The following DNAH8 variants were observed in gnomAD, a reference collection of about 807,000 sequenced individuals.
DNAH8 encodes dynein axonemal heavy chain 8.
A neutral mutation model predicts 562.1 loss-of-function variants in DNAH8; 382 were observed. That is an observed-to-expected ratio of 0.68 (90% confidence interval 0.63 to 0.74). The LOEUF (loss-of-function observed/expected upper bound fraction) is 0.74, where lower values mean the gene tolerates loss of function less well. Among genes scored for constraint, DNAH8 ranks in the 30% least tolerant of loss-of-function variants. The pLI is 0.00. For synonymous variants in DNAH8, 1,881 were observed against 1,919.4 expected, an observed-to-expected ratio of 0.98 and a Z score of 0.52; for missense variants, 5,203 against 5,620.4, an observed-to-expected ratio of 0.93 and a Z score of 2.37.
intron 63 of DNAH8, among the ~76,000 whole-genome samples, chr6:38,906,609 A>G (rs1780497902): frequency 6.6e-6 from 1 of 152,192 alleles, no homozygotes; most frequent in South Asian, 2.1e-4. Flanking sequence ...TTAATTTTGA[A>G]CATGGTTCCT....
intron 22 of DNAH8, 77 bp downstream of exon 22, chr6:38,803,388 G>T (rs969605811): frequency 1.0e-5 from 12 of 1,144,166 alleles, no homozygotes; most frequent in African/African-American, 1.6e-5. Flanking sequence ...TGCTTAGCAG[G>T]TACTGAATTC....
chr6:38,816,911 C>A (rs1247035244), intron 26 of DNAH8, among the ~76,000 whole-genome samples: 1 of 152,128 alleles, frequency 6.6e-6, no homozygotes, highest in East Asian at 1.9e-4. Flanking sequence ...TATTCATGTC[C>A]TTTGTCCATT....
In DNAH8 at chr6:38,890,654, A is replaced by G. The variant is rs1315567970; in HGVS notation, c.8476A>G (p.Ile2826Val). The change falls in exon 58 of 93, where the codon ATT becomes GTT. Residue 2826 changes from isoleucine to valine, a missense_variant and splice_region_variant. By Grantham distance (29) the Ile-to-Val change is conservative. Around this residue, in one of 6 missense-constraint regions of DNAH8, gnomAD observed 977 missense variants for 1,061.8 expected, o/e 0.92. Transcript: ENST00000327475. ...SNASIDKIFG[I>V]IGCGYFDPCR... ...CTTCAATCTTGCTTATCTTTCAGGA[A>G]TTATTGGATGTGGATACTTTGATCC... 1 of 1,603,842 alleles carries G rather than the reference A, an allele frequency of 6.2e-7. No homozygotes were observed. Among genetic ancestry groups the G allele is most frequent in the Admixed American group, 1.7e-5 (1 of 59,968 alleles).
intron 82 of DNAH8, among the ~76,000 whole-genome samples, chr6:38,960,115 C>G (rs965816215): frequency 2.6e-5 from 4 of 151,938 alleles, no homozygotes; most frequent in African/African-American, 9.7e-5. Flanking sequence ...AAAATCAAAT[C>G]AAAGTGGATT....
At chr6:38,901,385 G>T (rs1488158919) in intron 62 of DNAH8, among the ~76,000 whole-genome samples, 2 of 151,992 alleles carry the variant, frequency 1.3e-5, no homozygotes, top group African/African-American at 4.8e-5. Context: ...TAGGAGTTGT[G>T]ATTATTATTT....
rs745931225 is a variant in DNAH8, at chr6:38,842,696, G to A, written c.4638G>A (p.Trp1546Ter). ...CRKLPKGLKD[W>*]QAFLDLKKRI... ...AACTTCCAAAAGGACTTAAAGATTGGCAAGCTTTTTTGGATCTCAAAAAGA... is the reference window on the plus strand; with the variant it reads ...AACTTCCAAAAGGACTTAAAGATTGACAAGCTTTTTTGGATCTCAAAAAGA... The change falls in exon 35 of 93, where the codon TGG becomes TGA. Residue 1546 changes from tryptophan to a stop codon, truncating the protein, a stop_gained. Coordinates refer to ENST00000327475, the MANE Select transcript of DNAH8 (RefSeq NM_001206927.2). LOFTEE classifies it high-confidence loss of function. 6.2e-7 allele frequency: 1 copy of A among 1,613,274 alleles called. No homozygotes were observed. Among genetic ancestry groups the A allele is most frequent in the Admixed American group, 1.7e-5 (1 of 59,954 alleles).
intron 82 of DNAH8, among the ~76,000 whole-genome samples, chr6:38,966,724 A>G (rs376328335): frequency 2.0e-5 from 3 of 152,216 alleles, no homozygotes; most frequent in Admixed American, 1.3e-4. Context: ...ATAATAGACA[A>G]CAACCACATG....
intron 71 of DNAH8, among the ~76,000 whole-genome samples, chr6:38,921,918 C>T (rs1481665249): frequency 6.6e-6 from 1 of 151,810 alleles, no homozygotes; most frequent in Non-Finnish European, 1.5e-5. Flanking sequence ...AGGAAAATTA[C>T]AGTCAAAGGG....
intron 31 of DNAH8, among the ~76,000 whole-genome samples, chr6:38,832,852 C>G (rs1773955947): frequency 6.6e-6 from 1 of 151,494 alleles, no homozygotes; most frequent in African/African-American, 2.4e-5. Context: ...ACAGATTTTA[C>G]TGTTAAAAGG....
intron 45 of DNAH8, among the ~76,000 whole-genome samples, chr6:38,865,577 G>T (rs1252851860): frequency 6.6e-6 from 1 of 152,194 alleles, no homozygotes; most frequent in Non-Finnish European, 1.5e-5. Flanking sequence ...GAACCAAGAT[G>T]CTACAGAAAG....
intron 3 of DNAH8, among the ~76,000 whole-genome samples, chr6:38,725,527 T>G (rs7743381): frequency 6.6e-6 from 1 of 151,852 alleles, no homozygotes; most frequent in Admixed American, 6.6e-5. Flanking sequence ...ATGCAAAGAC[T>G]TCAATAGCTC....
At chr6:39,013,570 G>T (rs1022233046) in intron 91 of DNAH8, among the ~76,000 whole-genome samples, 3 of 152,146 alleles carry the variant, frequency 2.0e-5, no homozygotes, top group African/African-American at 7.2e-5. Flanking sequence ...AGGCACAAAG[G>T]GCCAGGAGCG....
Position 38,938,891 on chromosome 6 carries a change from C to T in DNAH8, c.11910C>T (p.Tyr3970=), listed in dbSNP as rs372031053. Residue 3970 remains tyrosine, a synonymous_variant, in exon 79 of 93, where the codon TAC becomes TAT. Transcript: ENST00000327475. ...TTACATACTCTGTCAGAGGCCTATA[C>T]GAAAACCACAAATTCCTGTTTGTAC... The part of the protein sequence containing the change: ...EVFTYSVRGL[Y]ENHKFLFVLL... The T allele has an allele frequency of 2.9e-5, 47 of 1,613,494 alleles. No individual in the cohort carries two copies. The highest frequency in any genetic ancestry group is 8.0e-5 in the African/African-American group (6 of 74,880).
Position 38,722,894 on chromosome 6 carries a change from G to C in DNAH8, c.85G>C (p.Glu29Gln), listed in dbSNP as rs910443081. 1.9e-6 allele frequency: 3 copies of C among 1,612,126 alleles called. No homozygotes were observed. The highest frequency in any genetic ancestry group is 2.7e-5 in the African/African-American group (2 of 75,046). Residue 29 changes from glutamate to glutamine, a missense_variant, in exon 2 of 93, where the codon GAA (glutamate) becomes CAA (glutamine). Glu to Gln is a conservative substitution (Grantham distance 29, BLOSUM62 2). Around this residue, in one of 6 missense-constraint regions of DNAH8, gnomAD observed 556 missense variants for 496.9 expected, o/e 1.12. Coordinates refer to ENST00000327475, the MANE Select transcript of DNAH8 (RefSeq NM_001206927.2). ...STEEAAPPRS[E>Q]EEEAPRPPTV... ...GGAAGAGGCTGCCCCTCCCCGTTCA[G>C]AAGAGGAAGAGGCCCCGCGCCCTCC...
chr6:38,952,622 G>A lies in DNAH8; in HGVS notation c.12451+1102G>A, dbSNP rs117905422. 1.3e-3 allele frequency among the ~76,000 whole-genome samples: 192 copies of A among 152,204 alleles called. 5 individuals are homozygous for A. The East Asian group carries it at 0.031, about 24-fold the overall frequency. On this transcript the variant is annotated intron_variant, in intron 82 of 92. Coordinates refer to ENST00000327475, the MANE Select transcript of DNAH8 (RefSeq NM_001206927.2). ...ATAAAATCAATTCAGTCATGTCCACGTACTAGCCACATGTCCCTCTGCATA... is the reference window on the plus strand; with the variant it reads ...ATAAAATCAATTCAGTCATGTCCACATACTAGCCACATGTCCCTCTGCATA...
rs114705030 is a variant in DNAH8 at position 38,742,033 on chromosome 6, A to C, written c.1293+146A>C. ...TAAGGCTTTTACATATATCACAGTT[A>C]TTTCCAGAAGAGGAAATGAAGATTT... On this transcript the variant is annotated intron_variant, in intron 8 of 92. Coordinates refer to ENST00000327475, the MANE Select transcript of DNAH8 (RefSeq NM_001206927.2). The C allele has an allele frequency of 3.6e-3, 2,120 of 592,598 alleles. 19 individuals carry two copies. Among genetic ancestry groups the C allele is most frequent in the African/African-American group, 0.022 (1,133 of 52,262 alleles). The allele number at this position is 592,598 out of a possible 1,614,324, so 36.7% of individuals were successfully genotyped here. A position where few individuals can be genotyped will look rare whatever the true frequency, so the allele number is the denominator to read the frequency against.
chr6:38,792,837 G>GA (rs1314356854), intron 21 of DNAH8, among the ~76,000 whole-genome samples: 1 of 152,078 alleles, frequency 6.6e-6, no homozygotes, highest in Non-Finnish European at 1.5e-5. Flanking sequence ...GTTCTGCAGT[G>GA]GTGTGGTCAT....
At chr6:38,784,452 C>T (rs1768949332) in intron 17 of DNAH8, among the ~76,000 whole-genome samples, 1 of 152,190 alleles carries the variant, frequency 6.6e-6, no homozygotes, top group African/African-American at 2.4e-5. Context: ...TTCATACAGC[C>T]TTTCCTTATT....
chr6:38,926,353 T>G (rs1782122208), intron 74 of DNAH8, 143 bp downstream of exon 74: 1 of 810,402 alleles, frequency 1.2e-6, no homozygotes, highest in Non-Finnish European at 1.9e-6. Flanking sequence ...AACAGCAATT[T>G]GGGGCAACAG....
Sources: allele counts gnomAD v4.1 joint callset (sites outside exome capture counted in the v4.1 genomes callset), GRCh38; gene constraint gnomAD v4.1.1; regional missense constraint gnomAD v4.1.1; transcripts MANE v1.5; gene names NCBI Gene and HGNC (gene_info 2026-07-23, HGNC 2026-07-21).